The following CYFIP2 variants were observed in gnomAD, a reference collection of about 807,000 sequenced individuals.
CYFIP2 encodes the protein cytoplasmic FMR1-interacting protein 2.
In CYFIP2, 29 loss-of-function variants were observed where a neutral mutation model predicts 158.7. The observed-to-expected ratio is 0.18, with a 90% CI of 0.14 to 0.25. The LOEUF (loss-of-function observed/expected upper bound fraction) is 0.25, where lower values mean the gene tolerates loss of function less well. CYFIP2 is among the 10% of genes least tolerant of loss of function. The pLI, the probability that CYFIP2 is intolerant of heterozygous loss-of-function variation, is 1.00. For missense variants in CYFIP2, 852 were observed against 1,639.5 expected, an observed-to-expected ratio of 0.52 and a Z score of 8.29; for synonymous variants, 585 against 617.6, an observed-to-expected ratio of 0.95 and a Z score of 0.78.
intron 23 of CYFIP2, among the ~76,000 whole-genome samples, 165 bp downstream of exon 23, chr5:157,341,322 C>G (rs1472463809): frequency 6.6e-6 from 1 of 152,030 alleles, no homozygotes; most frequent in Non-Finnish European, 1.5e-5. Context: ...AGACCGAGAC[C>G]AGTGGATACT....
At chr5:157,392,783 C>A in intron 30 of CYFIP2, 50 bp from the exon 31 acceptor site, 1 of 1,594,414 alleles carries the variant, frequency 6.3e-7, no homozygotes, top group Non-Finnish European at 8.6e-7. Flanking sequence ...CTCCCTCTTT[C>A]CACCCCCACT....
chr5:157,310,781 G>A (rs895606653), intron 10 of CYFIP2, among the ~76,000 whole-genome samples: 1 of 152,202 alleles, frequency 6.6e-6, no homozygotes, highest in Non-Finnish European at 1.5e-5. Flanking sequence ...CCTGAGGAAG[G>A]CTGTCACTGT....
intron 20 of CYFIP2, among the ~76,000 whole-genome samples, chr5:157,331,185 G>A (rs1761430606): frequency 6.6e-6 from 1 of 151,910 alleles, no homozygotes; most frequent in African/African-American, 2.4e-5. Flanking sequence ...CCCTGAACAG[G>A]GCCCAAGTGC....
At chr5:157,288,666 T>C in intron 3 of CYFIP2, 1 of 453,812 alleles carries the variant, frequency 2.2e-6, no homozygotes, top group Non-Finnish European at 4.4e-6. Context: ...TGAGGTAGGT[T>C]CTATTATCAT....
At chr5:157,380,016 C>G (rs988812718) in intron 26 of CYFIP2, 1 of 152,108 alleles carries the variant, frequency 6.6e-6, no homozygotes, top group Non-Finnish European at 1.5e-5. Context: ...GCTGATTGAT[C>G]AGGTTGGAGA....
At chr5:157,292,931 C>T (rs1326292461) in intron 3 of CYFIP2, among the ~76,000 whole-genome samples, 1 of 151,696 alleles carries the variant, frequency 6.6e-6, no homozygotes, top group Admixed American at 6.6e-5. Flanking sequence ...TAACAGATGA[C>T]TAAGTGGAGA....
intron 18 of CYFIP2, 63 bp downstream of exon 18, chr5:157,326,330 C>G (rs1761018283): frequency 7.3e-7 from 1 of 1,366,510 alleles, no homozygotes; most frequent in Non-Finnish European, 1.0e-6. Flanking sequence ...CTTTTCCAGT[C>G]TTTTGCTATT....
chr5:157,343,212 G>A lies in CYFIP2; in HGVS notation c.2673+2055G>A, dbSNP rs140164881. On this transcript the variant is annotated intron_variant, in intron 23 of 30. Coordinates refer to ENST00000620254, the MANE Select transcript of CYFIP2 (RefSeq NM_001037333.3). ...ATCAGCACCCAAAGGGAGATCTGGG[G>A]GTCTACCAGGGAGCTTCCAGGAGCC... 807 of 1,614,112 alleles carry A rather than the reference G, an allele frequency of 5.0e-4. 1 individual carries two copies. The highest frequency in any genetic ancestry group is 6.3e-4 in the Non-Finnish European group (744 of 1,180,042).
rs1401655125 is a variant in CYFIP2, at chr5:157,389,436, C to G, written c.3446+9C>G. On this transcript the variant is annotated intron_variant, in intron 29 of 30. Coordinates refer to ENST00000620254, the MANE Select transcript of CYFIP2 (RefSeq NM_001037333.3). ...AACGAGTTCACAGCTGAGTGAGTAC[C>G]CCCCAGAGAAGGCAGGGTTACCCCC... The G allele has an allele frequency of 1.9e-6, 3 of 1,565,200 alleles. No individual in the cohort carries two copies. Among genetic ancestry groups the G allele is most frequent in the African/African-American group, 2.7e-5 (2 of 74,248 alleles).
intron 23 of CYFIP2, among the ~76,000 whole-genome samples, chr5:157,356,799 C>G (rs745799655): frequency 6.6e-6 from 1 of 152,190 alleles, no homozygotes; most frequent in Non-Finnish European, 1.5e-5. Flanking sequence ...AGTCCTGGCC[C>G]CATTTGACAG....
chr5:157,346,812 G>A (rs1046701609), intron 23 of CYFIP2, among the ~76,000 whole-genome samples: 1 of 152,220 alleles, frequency 6.6e-6, no homozygotes, highest in African/African-American at 2.4e-5. Flanking sequence ...ATCAGTTGGA[G>A]TTGACGCCAG....
chr5:157,375,466 G>C (rs1016834773), intron 26 of CYFIP2, among the ~76,000 whole-genome samples: 1 of 152,092 alleles, frequency 6.6e-6, no homozygotes, highest in Admixed American at 6.6e-5. Flanking sequence ...TGGAAACCAT[G>C]TATCTTTGGA....
Position 157,392,965 on chromosome 5 carries a change from C to A in CYFIP2, c.3727C>A (p.Pro1243Thr), listed in dbSNP as rs754090399. ...TGTGGAGCATGTGCGCTGCTTCCAG[C>A]CACCCATCCACCAGTCCTTGGCCAC... ...STVEHVRCFQ[P>T]PIHQSLATTC The change falls in exon 31 of 31, where the codon CCA becomes ACA. Residue 1243 changes from proline to threonine, a missense_variant. By Grantham distance (38) the Pro-to-Thr change is conservative. Coordinates refer to ENST00000620254, the MANE Select transcript of CYFIP2 (RefSeq NM_001037333.3). The A allele has an allele frequency of 5.0e-6, 8 of 1,613,900 alleles. No individual in the cohort carries two copies. Among genetic ancestry groups the A allele is most frequent in the Non-Finnish European group, 6.8e-6 (8 of 1,179,846 alleles).
chr5:157,359,569 T>G (rs1379932599), intron 24 of CYFIP2, among the ~76,000 whole-genome samples: 2 of 152,226 alleles, frequency 1.3e-5, no homozygotes, highest in Non-Finnish European at 2.9e-5. Flanking sequence ...GCATCATGCT[T>G]CTTTCCCTTG....
intron 1 of CYFIP2, among the ~76,000 whole-genome samples, chr5:157,274,358 G>T (rs745710230): frequency 1.3e-5 from 2 of 152,148 alleles, no homozygotes; most frequent in Admixed American, 6.5e-5. Context: ...TTAATGATTC[G>T]CTTCTTTCAC....
Position 157,393,356 on chromosome 5 carries a change from C to T in CYFIP2, c.*356C>T, listed in dbSNP as rs1290114117. 2 of 193,860 alleles carry T rather than the reference C, an allele frequency of 1.0e-5. No homozygotes were observed. The highest frequency in any genetic ancestry group is 4.7e-5 in the African/African-American group (2 of 42,422). The allele number at this position is 193,860 out of a possible 1,614,324, so 12.0% of individuals were successfully genotyped here. On this transcript the variant is annotated 3_prime_UTR_variant, in exon 31 of 31. Coordinates refer to ENST00000620254, the MANE Select transcript of CYFIP2 (RefSeq NM_001037333.3). ...TCCCAAGACCTCCTCCCAAGATAGA[C>T]ATCTCCTACCCAGTGCCCTTGTGTG... is the stretch of plus-strand genomic sequence containing the variant.
At chr5:157,268,540 G>C (rs530375055) in intron 1 of CYFIP2, among the ~76,000 whole-genome samples, 17 of 152,314 alleles carry the variant, frequency 1.1e-4, no homozygotes, top group Non-Finnish European at 2.4e-4. Context: ...AACGGGAAAA[G>C]CGCTCCTGGA....
rs1767009947 is a variant in CYFIP2 at position 157,389,212 on chromosome 5, T to C, written c.3231T>C (p.Gly1077=). Residue 1077 remains glycine (G), a synonymous_variant, in exon 29 of 31, where the codon GGT becomes GGC. Transcript: ENST00000620254. ...TPQQIAIARE[G]DLLTKERLCC... is the part of the protein sequence containing the mutation. Reference sequence around the variant, plus strand: ...AGCAAATCGCCATTGCTCGCGAGGGTGACCTCCTGACCAAGGAGCGGCTGT... The same window carrying C: ...AGCAAATCGCCATTGCTCGCGAGGGCGACCTCCTGACCAAGGAGCGGCTGT... 1 of 1,612,812 alleles carries C rather than the reference T, an allele frequency of 6.2e-7. No individual in the cohort carries two copies. Among genetic ancestry groups the C allele is most frequent in the East Asian group, 2.2e-5 (1 of 44,850 alleles).
In CYFIP2 at chr5:157,330,799, G is replaced by A. The variant is rs141399379; in HGVS notation, c.2214G>A (p.Pro738=). ...AECKNYGVII[P]YPPSNRYETL... ...GTAAGAATTATGGCGTCATCATTCCGTATCCACCGTCCAATCGCTATGAAA... is the reference window on the plus strand; with the variant it reads ...GTAAGAATTATGGCGTCATCATTCCATATCCACCGTCCAATCGCTATGAAA... The change falls in exon 20 of 31, where the codon CCG becomes CCA. Residue 738 remains proline, a synonymous_variant. Transcript: ENST00000620254. 22 of 1,613,884 alleles carry A rather than the reference G, an allele frequency of 1.4e-5. No homozygotes were observed. The highest frequency in any genetic ancestry group is 8.9e-5 in the East Asian group (4 of 44,864).
Sources: gnomAD v4.1 joint callset for allele counts (sites outside exome capture counted in the v4.1 genomes callset) on GRCh38, gnomAD v4.1.1 for gene constraint, MANE v1.5 for transcripts, NCBI Gene and HGNC (gene_info 2026-07-23, HGNC 2026-07-21) for gene names.